SHD: variants seen among roughly 807,000 people sequenced by gnomAD.
SHD encodes the protein Src homology 2 domain containing transforming protein D.
A neutral mutation model predicts 31.2 loss-of-function variants in SHD; 29 were observed. The ratio of observed to expected loss-of-function variants is 0.93; its 90% CI spans 0.69 to 1.27. The LOEUF (loss-of-function observed/expected upper bound fraction) is 1.27. Ranked by LOEUF, SHD falls within the 50% of genes most tolerant of loss-of-function variation. The pLI, the probability that SHD is intolerant of heterozygous loss-of-function variation, is 0.00. For synonymous variants in SHD, 208 were observed against 187.8 expected (o/e 1.11, Z -0.88); for missense variants, 520 against 453.8 (o/e 1.15, Z -1.33).
intron 5 of SHD, 137 bp downstream of exon 5, chr19:4,288,499 A>G (rs1464293581): frequency 2.4e-6 from 2 of 847,802 alleles, no homozygotes; most frequent in African/African-American, 1.8e-5. Flanking sequence ...TGGGACTTCT[A>G]GGAGAAGGGG....
At chr19:4,285,772 A>T (rs1055371359) in intron 4 of SHD, among the ~76,000 whole-genome samples, 4 of 149,686 alleles carry the variant, frequency 2.7e-5, no homozygotes, top group East Asian at 2.0e-4. Context: ...CTGGTCTGGA[A>T]CTCCTGACCT....
At chr19:4,288,765 G>A (rs913980291) in intron 5 of SHD, among the ~76,000 whole-genome samples, 28 of 152,058 alleles carry the variant, frequency 1.8e-4, no homozygotes, top group African/African-American at 6.3e-4. Flanking sequence ...ACGCACTTCC[G>A]TCCCTAAAAT....
intron 4 of SHD, 149 bp from the exon 5 acceptor site, chr19:4,288,094 G>A (rs941354166): frequency 6.1e-6 from 5 of 825,064 alleles, no homozygotes; most frequent in Non-Finnish European, 8.6e-6. Context: ...TAGTAGAAAC[G>A]GGGTTTCACC....
rs376183659 is a variant in SHD, at chr19:4,290,409, C to G, written c.837-38C>G. 4 of 1,583,430 alleles carry G rather than the reference C, an allele frequency of 2.5e-6. No individual in the cohort carries two copies. The African/African-American group carries it at 4.0e-5, about 16-fold the overall frequency. ...GGGATGGTGCCTTTCTGGGTGGGTC[C>G]GGGATGCTCAGGAGTCCCTTTCTCC... On this transcript the variant is annotated intron_variant, in intron 5 of 5. Transcript: ENST00000543264.
chr19:4,286,276 T>TTTCTTTCC (rs1568369450), intron 4 of SHD, among the ~76,000 whole-genome samples: 2 of 104,470 alleles, frequency 1.9e-5, no homozygotes, highest in Non-Finnish European at 2.1e-5. Context: ...TCTTTCTTTC[T>TTTCTTTCC]TTCTTTTTTT....
Position 4,279,837 on chromosome 19 carries a change from G to T in SHD, c.-227G>T, listed in dbSNP as rs910688751. Reference sequence around the variant, plus strand: ...GGTGCTTCCCAAGCTGGGCTAAGGCGGGCTTCTCTTCCTCCCTCCTCTGTC... The same window carrying T: ...GGTGCTTCCCAAGCTGGGCTAAGGCTGGCTTCTCTTCCTCCCTCCTCTGTC... On this transcript the variant is annotated 5_prime_UTR_variant, in exon 1 of 6. Coordinates refer to ENST00000543264, the MANE Select transcript of SHD (RefSeq NM_020209.4). This position sits in a 1 kb window ranked among gnomAD's most constrained non-coding sequence, Gnocchi z 7.5. 7.0e-6 allele frequency: 4 copies of T among 574,256 alleles called. No homozygotes were observed. The highest frequency in any genetic ancestry group is 1.2e-5 in the Non-Finnish European group (4 of 333,062). 35.6% of individuals were successfully genotyped at this position (574,256 alleles called of 1,614,324 possible).
At chr19:4,284,380 G>A (rs1971286941) in intron 3 of SHD, 1 of 158,796 alleles carries the variant, frequency 6.3e-6, no homozygotes, top group East Asian at 1.8e-4. Flanking sequence ...TGCCCCCAAA[G>A]TTTTATGACT....
At chr19:4,287,483 T>C (rs1323365799) in intron 4 of SHD, among the ~76,000 whole-genome samples, 1 of 151,820 alleles carries the variant, frequency 6.6e-6, no homozygotes, top group Non-Finnish European at 1.5e-5. Flanking sequence ...AGGGCTCCTC[T>C]TGAAAAATCC....
chr19:4,284,447 T>G (rs150042857), intron 3 of SHD: 2,423 of 197,030 alleles, frequency 0.012, 66 homozygotes, highest in African/African-American at 0.052. Context: ...TGGGGGTGAT[T>G]TTCTAGTTTT....
chr19:4,288,458 A>C (rs1599516457), intron 5 of SHD, 96 bp downstream of exon 5: 1 of 1,382,366 alleles, frequency 7.2e-7, no homozygotes, highest in African/African-American at 1.5e-5. Flanking sequence ...TGGCTCCCGC[A>C]GCCATAGGGA....
intron 5 of SHD, among the ~76,000 whole-genome samples, chr19:4,289,968 C>T (rs1971359822): frequency 6.6e-6 from 1 of 151,876 alleles, no homozygotes; most frequent in African/African-American, 2.4e-5. Context: ...CTCTGCCTCC[C>T]AGGTTCAAGG....
chr19:4,287,993 C>T (rs1045055628), intron 4 of SHD, among the ~76,000 whole-genome samples: 3 of 151,810 alleles, frequency 2.0e-5, no homozygotes, highest in African/African-American at 7.3e-5. Context: ...CTTCCACCTC[C>T]CTGGTTCAAG....
rs183161246 is a variant in SHD, at chr19:4,287,972, T to A, written c.717-271T>A. ...CAGGCTGGAGTGCAGTGGTGCAATC[T>A]CAGCTCACAACTTCCACCTCCCTGG... On this transcript the variant is annotated intron_variant, in intron 4 of 5. Coordinates refer to ENST00000543264, the MANE Select transcript of SHD (RefSeq NM_020209.4). Among the ~76,000 whole-genome samples, 1,123 of 151,746 alleles carry A rather than the reference T, an allele frequency of 7.4e-3. 9 individuals are homozygous for A. The highest frequency in any genetic ancestry group is 0.011 in the Non-Finnish European group (733 of 67,906).
chr19:4,287,811 G>A (rs559351555), intron 4 of SHD, among the ~76,000 whole-genome samples: 1 of 152,028 alleles, frequency 6.6e-6, no homozygotes, highest in African/African-American at 2.4e-5. Flanking sequence ...AAAACTCCAA[G>A]GGAATTGTCC....
At chr19:4,288,147 C>T (rs546781924) in intron 4 of SHD, 96 bp from the exon 5 acceptor site, 117 of 1,396,452 alleles carry the variant, frequency 8.4e-5, no homozygotes, top group Middle Eastern at 4.5e-4. Flanking sequence ...TCAGGCAATC[C>T]GCCCGCGTCA....
Position 4,280,123 on chromosome 19 carries a change from G to C in SHD, c.60G>C (p.Pro20=). The part of the protein sequence containing the change: ...SFGGRRPPPQ[P]PTPDYTESDI... ...GGGGTCGGAGGCCCCCTCCGCAGCC[G>C]CCCACCCCGGACTACACCGAGAGCG... is the stretch of plus-strand genomic sequence containing the variant. Residue 20 remains proline, a synonymous_variant, in exon 1 of 6, where the codon CCG becomes CCC. Coordinates refer to ENST00000543264, the MANE Select transcript of SHD (RefSeq NM_020209.4). 6.2e-7 allele frequency: 1 copy of C among 1,613,290 alleles called. No homozygotes were observed. Among genetic ancestry groups the C allele is most frequent in the Non-Finnish European group, 8.5e-7 (1 of 1,179,822 alleles).
chr19:4,286,342 TTCTC>T (rs1485201689), intron 4 of SHD, among the ~76,000 whole-genome samples: 1 of 144,046 alleles, frequency 6.9e-6, no homozygotes, highest in African/African-American at 2.7e-5. Flanking sequence ...CTTCCTTTCT[TTCTC>T]TCTTTCTTTC....
chr19:4,282,897 C>A lies in SHD; in HGVS notation c.325C>A (p.Pro109Thr). 6.2e-7 allele frequency: 1 copy of A among 1,613,934 alleles called. No individual in the cohort carries two copies. Among genetic ancestry groups the A allele is most frequent in the Middle Eastern group, 1.6e-4 (1 of 6,062 alleles). ...GGAAGCCGACACTGAGTATTTAGACCCCTTTGATGCTCAGCCTCATCCTGC... is the reference window on the plus strand; with the variant it reads ...GGAAGCCGACACTGAGTATTTAGACACCTTTGATGCTCAGCCTCATCCTGC... ...ELEADTEYLD[P>T]FDAQPHPAPP... is the part of the protein sequence containing the mutation. Residue 109 changes from proline (P) to threonine (T), a missense_variant, in exon 2 of 6, where the codon CCC becomes ACC. Coordinates refer to ENST00000543264, the MANE Select transcript of SHD (RefSeq NM_020209.4).
rs765370533 is a variant in SHD, at chr19:4,283,021, A to C, written c.404-33A>C. On this transcript the variant is annotated intron_variant, in intron 2 of 5. Transcript: ENST00000543264. ...GGAAGGTGACAGGGTCCCAGATGGG[A>C]GCAGGAGCTGAACAGTGTCCCTGGC... is the stretch of plus-strand genomic sequence containing the variant. 3.1e-6 allele frequency: 5 copies of C among 1,613,864 alleles called. No homozygotes were observed. In the African/African-American group the frequency reaches 6.7e-5, roughly 22 times the overall value.
Sources: gnomAD v4.1 joint callset for allele counts (sites outside exome capture counted in the v4.1 genomes callset) on GRCh38, gnomAD v4.1.1 for gene constraint, Gnocchi (gnomAD v3.1) non-coding constraint, MANE v1.5 for transcripts, NCBI Gene and HGNC (gene_info 2026-07-23, HGNC 2026-07-21) for gene names.